The following EGFL7 variants were observed in gnomAD, a reference collection of about 807,000 sequenced individuals.
The protein encoded by EGFL7 is EGF like domain multiple 7, also known as epidermal growth factor-like protein 7.
A neutral mutation model predicts 37.1 loss-of-function variants in EGFL7; 48 were observed. The ratio of observed to expected loss-of-function variants is 1.29; its 90% CI spans 1.03 to 1.65. EGFL7 has a LOEUF of 1.65. Ranked by LOEUF, EGFL7 falls within the 40% of genes most tolerant of loss-of-function variation. EGFL7 has a pLI of 0.00. For missense variants in EGFL7, 384 were observed against 378.9 expected, an observed-to-expected ratio of 1.01 and a Z score of -0.11; for synonymous variants, 180 against 156.8, an observed-to-expected ratio of 1.15 and a Z score of -1.10.
chr9:136,670,535 G>T (rs1008739231), intron 8 of EGFL7: 3 of 811,046 alleles, frequency 3.7e-6, no homozygotes, highest in Non-Finnish European at 6.6e-6. Flanking sequence ...CAGCCAAGAA[G>T]GCAGAAGTGC....
At chr9:136,664,529 A>T (rs994369096) in intron 2 of EGFL7, among the ~76,000 whole-genome samples, 163 bp from the exon 3 acceptor site, 5 of 152,228 alleles carry the variant, frequency 3.3e-5, no homozygotes, top group Admixed American at 3.3e-4. Context: ...AGCTCAGGAC[A>T]GGATGGGGTC....
chr9:136,671,950 C>T lies in EGFL7; in HGVS notation c.661C>T (p.Leu221=). ...EEKLQLVLAP[L]HSLASQALEH... ...GAAGCTGCAGCTGGTGCTGGCCCCA[C>T]TGCACAGCCTGGCCTCGCAGGCACT... Residue 221 remains leucine, a synonymous_variant, in exon 10 of 11, where the codon CTG becomes TTG. Coordinates refer to ENST00000308874, the MANE Select transcript of EGFL7 (RefSeq NM_016215.5). 6.5e-7 allele frequency: 1 copy of T among 1,529,574 alleles called. No homozygotes were observed. 94.8% of individuals were successfully genotyped at this position (1,529,574 alleles called of 1,614,324 possible). A position where few individuals can be genotyped will look rare whatever the true frequency, so the allele number is the denominator to read the frequency against.
rs897682448 is a variant in EGFL7, at chr9:136,671,948, C to T, written c.659C>T (p.Pro220Leu). The T allele has an allele frequency of 3.9e-6, 6 of 1,527,788 alleles. No homozygotes were observed. In the Admixed American group the frequency reaches 1.2e-4, roughly 31 times the overall value. 94.6% of individuals were successfully genotyped at this position (1,527,788 alleles called of 1,614,324 possible). A position where few individuals can be genotyped will look rare whatever the true frequency, so the allele number is the denominator to read the frequency against. The change falls in exon 10 of 11, where the codon CCA (proline) becomes CTA (leucine). Residue 220 changes from proline to leucine, a missense_variant. Transcript: ENST00000308874. ...CAGAAGCTGCAGCTGGTGCTGGCCC[C>T]ACTGCACAGCCTGGCCTCGCAGGCA... The part of the protein sequence containing the change: ...LEEKLQLVLA[P>L]LHSLASQALE...
chr9:136,662,351 G>A (rs1845199729), upstream of EGFL7, among the ~76,000 whole-genome samples: 1 of 152,102 alleles, frequency 6.6e-6, no homozygotes, highest in Admixed American at 6.5e-5. Flanking sequence ...GGGACCCACG[G>A]AACAGGCTGT....
chr9:136,670,464 A>G (rs1845775109), intron 8 of EGFL7, 134 bp downstream of exon 8: 1 of 1,140,802 alleles, frequency 8.8e-7, no homozygotes, highest in Non-Finnish European at 1.3e-6. Flanking sequence ...GGGAGGGAGG[A>G]TGGGGAGGGA....
intron 3 of EGFL7, among the ~76,000 whole-genome samples, chr9:136,665,255 G>A (rs1415300774): frequency 6.6e-6 from 1 of 152,248 alleles, no homozygotes; most frequent in Non-Finnish European, 1.5e-5. Context: ...GCTCTGCCAT[G>A]TGGTCTCAGA....
At chr9:136,670,902 G>A (rs1336218085) in intron 8 of EGFL7, 48 bp from the exon 9 acceptor site, 4 of 1,523,162 alleles carry the variant, frequency 2.6e-6, no homozygotes, top group South Asian at 2.4e-5. Flanking sequence ...CTGGGGGTGT[G>A]GGTGGGGAGC....
chr9:136,671,778 G>A (rs867280723), intron 9 of EGFL7, 148 bp from the exon 10 acceptor site: 4 of 1,101,594 alleles, frequency 3.6e-6, no homozygotes, highest in Non-Finnish European at 4.9e-6. Context: ...TTTCTGCCAC[G>A]GCAGCCCCCT....
intron 3 of EGFL7, among the ~76,000 whole-genome samples, chr9:136,667,062 G>T (rs1447220279): frequency 1.3e-5 from 2 of 152,254 alleles, no homozygotes; most frequent in Non-Finnish European, 2.9e-5. Flanking sequence ...CTGGGACCGG[G>T]TGATGCCTTG....
intron 5 of EGFL7, among the ~76,000 whole-genome samples, chr9:136,668,966 CTT>C (rs1280693033): frequency 6.6e-6 from 1 of 152,188 alleles, no homozygotes; most frequent in Non-Finnish European, 1.5e-5. Context: ...CACCCCTCCA[CTT>C]CCGGGGGACT....
intron 5 of EGFL7, among the ~76,000 whole-genome samples, chr9:136,669,244 C>G (rs563419333): frequency 2.0e-5 from 3 of 152,332 alleles, no homozygotes; most frequent in Non-Finnish European, 4.4e-5. Flanking sequence ...AGAAGGGCTC[C>G]GATGCCCAGG....
intron 2 of EGFL7, among the ~76,000 whole-genome samples, chr9:136,664,298 C>T (rs1007243792): frequency 6.6e-6 from 1 of 152,164 alleles, no homozygotes; most frequent in African/African-American, 2.4e-5. Context: ...CTCCAGGGAC[C>T]TGGGCCCCTC....
chr9:136,669,905 C>A lies in EGFL7; in HGVS notation c.314-9C>A. On this transcript the variant is annotated splice_polypyrimidine_tract_variant and intron_variant, in intron 6 of 10. Coordinates refer to ENST00000308874, the MANE Select transcript of EGFL7 (RefSeq NM_016215.5). ...AACTGAGCTGGTGACCAGCCTCCCC[C>A]GCCCACAGCAATATGCCAGCCGCCA... 1.3e-6 allele frequency: 2 copies of A among 1,575,604 alleles called. No homozygotes were observed. Among genetic ancestry groups the A allele is most frequent in the Admixed American group, 1.8e-5 (1 of 55,658 alleles).
In EGFL7 at chr9:136,671,928, G is replaced by T; in HGVS notation, c.639G>T (p.Lys213Asn). ...LQSRVDLLEE[K>N]LQLVLAPLHS... ...TCACTGCCCTTCTGCACCCACAGAA[G>T]CTGCAGCTGGTGCTGGCCCCACTGC... Residue 213 changes from lysine to asparagine, a missense_variant and splice_region_variant, in exon 10 of 11, where the codon AAG (lysine) becomes AAT (asparagine). Transcript: ENST00000308874. The T allele has an allele frequency of 6.6e-7, 1 of 1,505,124 alleles. No individual in the cohort carries two copies. 93.2% of individuals were successfully genotyped at this position (1,505,124 alleles called of 1,614,324 possible).
Position 136,672,024 on chromosome 9 carries a change from G to A in EGFL7, c.735G>A (p.Gln245=), listed in dbSNP as rs1345012736. The A allele has an allele frequency of 1.9e-6, 3 of 1,544,822 alleles. No individual in the cohort carries two copies. In the East Asian group the frequency reaches 7.3e-5, roughly 38 times the overall value. ...DPGSLLVHSF[Q]QLGRIDSLSE... is the part of the protein sequence containing the mutation. ...GCAGCCTCCTGGTGCACTCCTTCCA[G>A]CAGCTCGGCCGCATCGACTCCCTGA... Residue 245 remains glutamine, a synonymous_variant, in exon 10 of 11, where the codon CAG becomes CAA. Coordinates refer to ENST00000308874, the MANE Select transcript of EGFL7 (RefSeq NM_016215.5).
intron 8 of EGFL7, chr9:136,670,735 G>A: frequency 2.7e-6 from 2 of 748,810 alleles, no homozygotes; most frequent in Non-Finnish European, 5.0e-6. Flanking sequence ...CCCTCAGCGT[G>A]GCCGGGACCC....
At chr9:136,668,732 C>T (rs1006420714) in intron 5 of EGFL7, 59 bp downstream of exon 5, 7 of 1,402,138 alleles carry the variant, frequency 5.0e-6, no homozygotes, top group East Asian at 2.3e-5. Flanking sequence ...GGCCACACAT[C>T]AGCATGTCAG....
chr9:136,671,783 C>T (rs1276948523), intron 9 of EGFL7, 143 bp from the exon 10 acceptor site: 2 of 1,130,904 alleles, frequency 1.8e-6, no homozygotes, highest in Non-Finnish European at 2.4e-6. Flanking sequence ...GCCACGGCAG[C>T]CCCCTCTAGT....
At position 136,669,610 on chromosome 9, in the gene EGFL7, A is replaced by G. The variant is rs748174439; in HGVS notation, c.202A>G (p.Ile68Val). 3 of 1,609,712 alleles carry G rather than the reference A, an allele frequency of 1.9e-6. No homozygotes were observed. In the South Asian group the frequency reaches 3.3e-5, roughly 18 times the overall value. Residue 68 changes from isoleucine (I) to valine (V), a missense_variant, in exon 6 of 11, where the codon ATC (isoleucine) becomes GTC (valine). Transcript: ENST00000308874. Reference protein sequence around the residue: ...GHRACSTYRTIYRTAYRRSPG... With the variant: ...GHRACSTYRTVYRTAYRRSPG... ...GCTGTCCCACCCACCCCACAGAACCATCTATAGGACCGCCTACCGCCGCAG... is the reference window on the plus strand; with the variant it reads ...GCTGTCCCACCCACCCCACAGAACCGTCTATAGGACCGCCTACCGCCGCAG...
Sources: allele counts gnomAD v4.1 joint callset (sites outside exome capture counted in the v4.1 genomes callset), GRCh38; gene constraint gnomAD v4.1.1; transcripts MANE v1.5; gene names NCBI Gene and HGNC (gene_info 2026-07-23, HGNC 2026-07-21).